Variants in CA9 observed in about 807,000 individuals in gnomAD.
The protein encoded by CA9 is carbonic anhydrase 9.
In CA9, 43 loss-of-function variants were observed where a neutral mutation model predicts 51.8. That is an observed-to-expected ratio of 0.83 (90% CI 0.65 to 1.07). The LOEUF (loss-of-function observed/expected upper bound fraction) is 1.07. CA9 is among the 50% of genes least tolerant of loss of function. The pLI, the probability that CA9 is intolerant of heterozygous loss-of-function variation, is 0.00. For missense variants in CA9, 574 were observed against 581.4 expected (o/e 0.99, Z 0.13); for synonymous variants, 253 against 244.2 (o/e 1.04, Z -0.34).
Position 35,674,148 on chromosome 9 carries a change from G to C in CA9, c.189G>C (p.Glu63Asp), listed in dbSNP as rs1824371847. 8 of 1,614,156 alleles carry C rather than the reference G, an allele frequency of 5.0e-6. No individual in the cohort carries two copies. Among genetic ancestry groups the C allele is most frequent in the South Asian group, 2.2e-5 (2 of 91,082 alleles). The change falls in exon 1 of 11, where the codon GAG (glutamate) becomes GAC (aspartate). Residue 63 changes from glutamate to aspartate, a missense_variant. Coordinates refer to ENST00000378357, the MANE Select transcript of CA9 (RefSeq NM_001216.3). Reference sequence around the variant, plus strand: ...GGGAAGATGACCCACTGGGCGAGGAGGATCTGCCCAGTGAAGAGGATTCAC... The same window carrying C: ...GGGAAGATGACCCACTGGGCGAGGACGATCTGCCCAGTGAAGAGGATTCAC... ...SSGEDDPLGEEDLPSEEDSPR... is the reference protein window; with the variant it reads ...SSGEDDPLGEDDLPSEEDSPR...
chr9:35,681,051 A>C lies in CA9; in HGVS notation c.*26A>C, dbSNP rs1286152220. ...AGGCTGGATCTTGGAGAATGTGAGAAGCCAGCCAGAGGCATCTGAGGGGGA... is the reference window on the plus strand; with the variant it reads ...AGGCTGGATCTTGGAGAATGTGAGACGCCAGCCAGAGGCATCTGAGGGGGA... On this transcript the variant is annotated 3_prime_UTR_variant, in exon 11 of 11. Coordinates refer to ENST00000378357, the MANE Select transcript of CA9 (RefSeq NM_001216.3). 6.2e-7 allele frequency: 1 copy of C among 1,608,786 alleles called. No individual in the cohort carries two copies. Among genetic ancestry groups the C allele is most frequent in the East Asian group, 2.2e-5 (1 of 44,848 alleles).
Position 35,681,080 on chromosome 9 carries a change from G to A in CA9, c.*55G>A, listed in dbSNP as rs545461712. ...AGCCAGAGGCATCTGAGGGGGAGCC[G>A]GTAACTGTCCTGTCCTGCTCATTAT... On this transcript the variant is annotated 3_prime_UTR_variant, in exon 11 of 11. Coordinates refer to ENST00000378357, the MANE Select transcript of CA9 (RefSeq NM_001216.3). 1.7e-5 allele frequency: 26 copies of A among 1,497,836 alleles called. No individual in the cohort carries two copies. In the East Asian group the frequency reaches 2.9e-4, roughly 17 times the overall value. 92.8% of individuals were successfully genotyped at this position (1,497,836 alleles called of 1,614,324 possible). A position where few individuals can be genotyped will look rare whatever the true frequency, so the allele number is the denominator to read the frequency against.
Position 35,674,223 on chromosome 9 carries a change from T to C in CA9, c.264T>C (p.Asp88=), listed in dbSNP as rs1225041217. The C allele has an allele frequency of 6.2e-7, 1 of 1,612,716 alleles. No individual in the cohort carries two copies. Among genetic ancestry groups the C allele is most frequent in the African/African-American group, 1.3e-5 (1 of 74,892 alleles). The change falls in exon 1 of 11, where the codon GAT becomes GAC. Residue 88 remains aspartate, a synonymous_variant. Transcript: ENST00000378357. ...AGGAGGATCTACCTGGAGAGGAGGATCTACCTGGAGAGGAGGATCTACCTG... is the reference window on the plus strand; with the variant it reads ...AGGAGGATCTACCTGGAGAGGAGGACCTACCTGGAGAGGAGGATCTACCTG... ...PGEEDLPGEE[D]LPGEEDLPEV...
rs770182337 is a variant in CA9, at chr9:35,675,943, T to A, written c.604+12T>A. The A allele has an allele frequency of 6.3e-6, 10 of 1,585,222 alleles. No individual in the cohort carries two copies. In the East Asian group the frequency reaches 2.0e-4, roughly 32 times the overall value. ...CAATGGCCACAGTGGTGAGGGGGTC[T>A]CCCCGCCGAGACTTGGGGATGGGGC... On this transcript the variant is annotated intron_variant, in intron 3 of 10. Coordinates refer to ENST00000378357, the MANE Select transcript of CA9 (RefSeq NM_001216.3).
Position 35,680,151 on chromosome 9 carries a change from C to T in CA9, c.1237+12C>T, listed in dbSNP as rs759485908. ...CTGCCTGGCTGCTGGTGAGTCTGCC[C>T]CTCCTCTTGGTCCTGATGCCAGGAG... On this transcript the variant is annotated intron_variant, in intron 9 of 10. Transcript: ENST00000378357. 20 of 1,614,186 alleles carry T rather than the reference C, an allele frequency of 1.2e-5. No individual in the cohort carries two copies. The highest frequency in any genetic ancestry group is 1.7e-5 in the Non-Finnish European group (20 of 1,180,034).
At chr9:35,674,865 G>A (rs1191485257) in intron 1 of CA9, 1 of 159,006 alleles carries the variant, frequency 6.3e-6, no homozygotes, top group Non-Finnish European at 1.4e-5. Flanking sequence ...TCCCAAGCCA[G>A]GAATTTGGGG....
chr9:35,677,002 G>A (rs1423030787), intron 5 of CA9, among the ~76,000 whole-genome samples: 1 of 152,128 alleles, frequency 6.6e-6, no homozygotes, highest in Non-Finnish European at 1.5e-5. Context: ...ACAGGTGTGT[G>A]CCACCATGCC....
At chr9:35,675,346 G>C in intron 1 of CA9, 192 bp from the exon 2 acceptor site, 1 of 635,188 alleles carries the variant, frequency 1.6e-6, no homozygotes, top group East Asian at 2.7e-5. Context: ...CAAGCTGGTA[G>C]GATTGCTGTT....
chr9:35,678,695 C>CTTTTT (rs746454806), intron 6 of CA9, among the ~76,000 whole-genome samples: 62 of 129,870 alleles, frequency 4.8e-4, no homozygotes, highest in Non-Finnish European at 6.4e-4. Context: ...TTTTTCTTTT[C>CTTTTT]TTTTCTTTTT....
chr9:35,678,874 T>C (rs1824477099), intron 6 of CA9, among the ~76,000 whole-genome samples: 1 of 152,128 alleles, frequency 6.6e-6, no homozygotes, highest in Non-Finnish European at 1.5e-5. Flanking sequence ...TTTATGATGG[T>C]ACACAGAGTT....
At chr9:35,679,464 A>T in intron 7 of CA9, 122 bp downstream of exon 7, 1 of 1,242,418 alleles carries the variant, frequency 8.0e-7, no homozygotes, top group Non-Finnish European at 1.1e-6. Flanking sequence ...TAATCCCACC[A>T]CGTTGGGAGG....
At position 35,676,176 on chromosome 9, in the gene CA9, C is replaced by G; in HGVS notation, c.717C>G (p.His239Gln). ...WGAAGRPGSEHTVEGHRFPAE... is the reference protein window; with the variant it reads ...WGAAGRPGSEQTVEGHRFPAE... ...CTGCAGGTCGTCCGGGCTCGGAGCA[C>G]ACTGTGGAAGGCCACCGTTTCCCTG... The change falls in exon 4 of 11, where the codon CAC becomes CAG. Residue 239 changes from histidine (H) to glutamine (Q), a missense_variant. Coordinates refer to ENST00000378357, the MANE Select transcript of CA9 (RefSeq NM_001216.3). 1 of 1,612,200 alleles carries G rather than the reference C, an allele frequency of 6.2e-7. No individual in the cohort carries two copies. The highest frequency in any genetic ancestry group is 8.5e-7 in the Non-Finnish European group (1 of 1,179,104).
chr9:35,679,315 C>G lies in CA9; in HGVS notation c.1038C>G (p.Asn346Lys). ...CAQGVIWTVF[N>K]QTVMLSAKQL... ...AGGGTGTCATCTGGACTGTGTTTAACCAGACAGTGATGCTGAGTGCTAAGC... is the reference window on the plus strand; with the variant it reads ...AGGGTGTCATCTGGACTGTGTTTAAGCAGACAGTGATGCTGAGTGCTAAGC... The change falls in exon 7 of 11, where the codon AAC (asparagine) becomes AAG (lysine). Residue 346 changes from asparagine to lysine, a missense_variant. Transcript: ENST00000378357. The G allele has an allele frequency of 1.2e-6, 2 of 1,614,020 alleles. No homozygotes were observed. The highest frequency in any genetic ancestry group is 2.2e-5 in the South Asian group (2 of 91,058).
At chr9:35,680,219 T>A in intron 9 of CA9, 80 bp downstream of exon 9, 2 of 1,509,278 alleles carry the variant, frequency 1.3e-6, no homozygotes, top group Non-Finnish European at 1.8e-6. Flanking sequence ...CAGGACCGCC[T>A]CTGCTCCCTC....
chr9:35,676,612 C>T (rs1240074878), intron 5 of CA9, among the ~76,000 whole-genome samples: 2 of 152,148 alleles, frequency 1.3e-5, no homozygotes, highest in African/African-American at 2.4e-5. Context: ...AGCCCACAGC[C>T]AGTGGGGGAG....
chr9:35,674,988 C>CTT (rs551485462), intron 1 of CA9: 73 of 132,976 alleles, frequency 5.5e-4, no homozygotes, highest in Middle Eastern at 3.8e-3. Context: ...TGCCCACTCA[C>CTT]TTTTTTTTTT....
At chr9:35,675,243 C>T in intron 1 of CA9, 1 of 463,088 alleles carries the variant, frequency 2.2e-6, no homozygotes, top group South Asian at 2.6e-5. Flanking sequence ...ATCCAACCAC[C>T]CTGGCCTCCC....
At chr9:35,680,370 C>CA (rs1004905260) in intron 9 of CA9, among the ~76,000 whole-genome samples, 2 of 152,040 alleles carry the variant, frequency 1.3e-5, no homozygotes, top group Non-Finnish European at 2.9e-5. Context: ...ACAATCCCCC[C>CA]CCTTTTTTTA....
intron 7 of CA9, 49 bp downstream of exon 7, chr9:35,679,391 G>C (rs757197513): frequency 6.4e-7 from 1 of 1,572,878 alleles, no homozygotes; most frequent in Non-Finnish European, 8.6e-7. Flanking sequence ...GAAAGAGGAT[G>C]TAAGATGAGA....
Sources: gnomAD v4.1 joint callset for allele counts (sites outside exome capture counted in the v4.1 genomes callset) on GRCh38, gnomAD v4.1.1 for gene constraint, MANE v1.5 for transcripts, NCBI Gene and HGNC (gene_info 2026-07-23, HGNC 2026-07-21) for gene names.